The following SYNJ2 variants were observed in gnomAD, a reference collection of about 807,000 sequenced individuals.
SYNJ2 encodes synaptojanin 2, also known as polyphosphatidylinositol phosphatase SYNJ2.
A neutral mutation model predicts 141.3 loss-of-function variants in SYNJ2; 116 were observed. That is an observed-to-expected ratio of 0.82 (90% confidence interval 0.71 to 0.96). The LOEUF (loss-of-function observed/expected upper bound fraction) is 0.96. Ranked by LOEUF, SYNJ2 falls within the 40% of genes least tolerant of loss-of-function variation. The pLI is 0.00. For missense variants in SYNJ2, 1,873 were observed against 1,934.8 expected, an observed-to-expected ratio of 0.97 and a Z score of 0.60; for synonymous variants, 745 against 777.7, an observed-to-expected ratio of 0.96 and a Z score of 0.70.
intron 2 of SYNJ2, among the ~76,000 whole-genome samples, chr6:158,021,382 A>C (rs1272207883): frequency 6.6e-6 from 1 of 152,204 alleles, no homozygotes; most frequent in Non-Finnish European, 1.5e-5. Flanking sequence ...TATGTTGCCT[A>C]GTTCTCAGGA....
At chr6:157,987,682 A>G (rs1356247956) in intron 1 of SYNJ2, among the ~76,000 whole-genome samples, 3 of 152,242 alleles carry the variant, frequency 2.0e-5, no homozygotes, top group African/African-American at 7.2e-5. Flanking sequence ...GATTACAGAC[A>G]TGAGCCACTG....
At chr6:158,013,449 C>T (rs1322985403) in intron 1 of SYNJ2, among the ~76,000 whole-genome samples, 1 of 152,158 alleles carries the variant, frequency 6.6e-6, no homozygotes, top group East Asian at 1.9e-4. Context: ...CCTTGAAGCT[C>T]CAATGGCTGC....
chr6:158,074,780 G>A, intron 16 of SYNJ2, 42 bp downstream of exon 16: 2 of 1,603,752 alleles, frequency 1.2e-6, no homozygotes, highest in Non-Finnish European at 1.7e-6. Context: ...GCTGCTCCAA[G>A]ATGGAATGAC....
intron 2 of SYNJ2, among the ~76,000 whole-genome samples, chr6:158,023,604 G>C (rs1349912084): frequency 1.3e-5 from 2 of 152,116 alleles, no homozygotes; most frequent in African/African-American, 2.4e-5. Flanking sequence ...TGGAGGACAG[G>C]GTTCTTATTC....
chr6:158,066,732 T>A, intron 12 of SYNJ2, 97 bp downstream of exon 12: 1 of 1,380,258 alleles, frequency 7.2e-7, no homozygotes, highest in Non-Finnish European at 1.0e-6. Context: ...TGGAATTTCA[T>A]CTTTGGTGTC....
At chr6:158,094,032 C>G in intron 26 of SYNJ2, 1 of 764,016 alleles carries the variant, frequency 1.3e-6, no homozygotes. Flanking sequence ...TAGTAACGGA[C>G]CCTCGGTAAT....
chr6:158,004,972 C>G (rs959963998), intron 1 of SYNJ2, among the ~76,000 whole-genome samples: 1 of 152,106 alleles, frequency 6.6e-6, no homozygotes, highest in African/African-American at 2.4e-5. Context: ...CAGCCACTCG[C>G]TCCCATGCCA....
chr6:158,066,757 T>C (rs1781593976), intron 12 of SYNJ2, 122 bp downstream of exon 12: 25 of 1,145,182 alleles, frequency 2.2e-5, no homozygotes, highest in Non-Finnish European at 3.0e-5. Flanking sequence ...CTCCTCACAA[T>C]GTCTAAATAG....
At chr6:157,995,334 A>G (rs2128317239) in intron 1 of SYNJ2, among the ~76,000 whole-genome samples, 1 of 152,288 alleles carries the variant, frequency 6.6e-6, no homozygotes. Context: ...TACACCTGGA[A>G]CAAAGACTTG....
intron 4 of SYNJ2, among the ~76,000 whole-genome samples, chr6:158,042,847 G>T (rs1583389707): frequency 6.6e-6 from 1 of 152,360 alleles, no homozygotes; most frequent in African/African-American, 2.4e-5. Context: ...AGCACAGTCA[G>T]TGAGGTCTTT....
At chr6:158,023,162 A>G (rs557457997) in intron 2 of SYNJ2, among the ~76,000 whole-genome samples, 1 of 151,828 alleles carries the variant, frequency 6.6e-6, no homozygotes, top group East Asian at 1.9e-4. Context: ...GGAGGCTGAC[A>G]TGGGAGGATC....
intron 8 of SYNJ2, 38 bp downstream of exon 8, chr6:158,062,202 G>A: frequency 2.5e-6 from 4 of 1,598,972 alleles, no homozygotes; most frequent in South Asian, 2.2e-5. Context: ...TCTTCTGCTG[G>A]GGGGAAGCGT....
chr6:158,055,322 T>C lies in SYNJ2; in HGVS notation c.857+294T>C, dbSNP rs1780803078. ...TCTCTATGCCCTGGTTAATAAGGGA[T>C]CATCTAAATTATAGGGTATTTGAAG... On this transcript the variant is annotated intron_variant, in intron 6 of 26. Transcript: ENST00000355585. Among the ~76,000 whole-genome samples the C allele has an allele frequency of 1.3e-5, 2 of 152,236 alleles. 1 individual carries two copies. Among genetic ancestry groups the C allele is most frequent in the South Asian group, 4.1e-4 (2 of 4,836 alleles).
At chr6:158,053,131 G>C (rs1780660295) in intron 5 of SYNJ2, among the ~76,000 whole-genome samples, 1 of 152,146 alleles carries the variant, frequency 6.6e-6, no homozygotes, top group Non-Finnish European at 1.5e-5. Context: ...TTCAGTGTAT[G>C]GATCCCTGAC....
Position 158,098,217 on chromosome 6 carries a change from A to G in SYNJ2, c.*1853A>G, listed in dbSNP as rs969838144. ...AACAACCAGTCAAAGAAGCAGGGGA[A>G]AAGTAAGCTCCTCCAAAGTTGCTTG... On this transcript the variant is annotated 3_prime_UTR_variant, in exon 27 of 27. Transcript: ENST00000355585. The G allele has an allele frequency of 2.0e-5, 3 of 152,232 alleles. No homozygotes were observed. Among genetic ancestry groups the G allele is most frequent in the Non-Finnish European group, 4.4e-5 (3 of 68,028 alleles). 9.4% of individuals were successfully genotyped at this position (152,232 alleles called of 1,614,324 possible).
At position 158,061,671 on chromosome 6, in the gene SYNJ2, T is replaced by C. The variant is rs561243981; in HGVS notation, c.955-321T>C. 8.0e-5 allele frequency among the ~76,000 whole-genome samples: 11 copies of C among 137,470 alleles called. No homozygotes were observed. The East Asian group carries it at 2.3e-3, about 29-fold the overall frequency. The allele number at this position is 137,470 out of a possible 152,430, so 90.2% of individuals were successfully genotyped here. A position where few individuals can be genotyped will look rare whatever the true frequency, so the allele number is the denominator to read the frequency against. On this transcript the variant is annotated intron_variant, in intron 7 of 26. Transcript: ENST00000355585. ...GGCCACCTGAAGAACAGAGCAGTCC[T>C]TCCTCACCTGTGCCCTCCAGAGAGC...
intron 1 of SYNJ2, among the ~76,000 whole-genome samples, chr6:157,985,263 TCCTGC>T (rs534609210): frequency 0.027 from 4,181 of 152,312 alleles, 195 homozygotes; most frequent in African/African-American, 0.095. Flanking sequence ...TCTTCACCTG[TCCTGC>T]TCTAAAGTGA....
At chr6:158,092,584 T>C (rs1783532862) in intron 25 of SYNJ2, among the ~76,000 whole-genome samples, 1 of 152,050 alleles carries the variant, frequency 6.6e-6, no homozygotes, top group Admixed American at 6.6e-5. Context: ...AGCAACATAG[T>C]GAGACCTCAT....
intron 1 of SYNJ2, among the ~76,000 whole-genome samples, chr6:157,989,462 ATATATG>A (rs1160846979): frequency 6.9e-5 from 9 of 130,842 alleles, no homozygotes; most frequent in Admixed American, 1.5e-4. Flanking sequence ...ATATATATAT[ATATATG>A]GAAAAAGACT....
Sources: allele counts gnomAD v4.1 joint callset (sites outside exome capture counted in the v4.1 genomes callset), GRCh38; gene constraint gnomAD v4.1.1; transcripts MANE v1.5; gene names NCBI Gene and HGNC (gene_info 2026-07-23, HGNC 2026-07-21).